TULP4: variants seen among roughly 807,000 people sequenced by gnomAD.
TULP4 encodes the protein tubby-related protein 4.
TULP4 carries 16 observed loss-of-function variants against 129.0 expected under a neutral mutation model. The ratio of observed to expected loss-of-function variants is 0.12; its 90% CI spans 0.08 to 0.19. TULP4 has a LOEUF of 0.19. TULP4 is among the 10% of genes least tolerant of loss of function. The pLI, the probability that TULP4 is intolerant of heterozygous loss-of-function variation, is 1.00. For missense variants in TULP4, 1,842 were observed against 2,059.1 expected (o/e 0.89, Z 2.04); for synonymous variants, 998 against 854.0 (o/e 1.17, Z -2.94).
chr6:158,342,573 A>G (rs1780205886), intron 1 of TULP4, among the ~76,000 whole-genome samples: 1 of 152,236 alleles, frequency 6.6e-6, no homozygotes. Flanking sequence ...TGAGACAACT[A>G]ATGTACAATA....
intron 1 of TULP4, among the ~76,000 whole-genome samples, chr6:158,327,556 C>A (rs893042869): frequency 6.6e-6 from 1 of 152,168 alleles, no homozygotes; most frequent in Non-Finnish European, 1.5e-5. Context: ...TATTTCAGAG[C>A]CATGATGGTT....
intron 4 of TULP4, among the ~76,000 whole-genome samples, chr6:158,450,211 C>T (rs1779135843): frequency 6.6e-6 from 1 of 152,170 alleles, no homozygotes; most frequent in Non-Finnish European, 1.5e-5. Flanking sequence ...CTATCCTTAG[C>T]CTAGCACAGC....
At chr6:158,422,186 AT>A (rs1562559413) in intron 2 of TULP4, among the ~76,000 whole-genome samples, 1 of 152,250 alleles carries the variant, frequency 6.6e-6, no homozygotes, top group African/African-American at 2.4e-5. Flanking sequence ...AAATCCAAAA[AT>A]TAGTTCTTTG....
chr6:158,301,107 A>G (rs1472993233), intron 1 of TULP4, among the ~76,000 whole-genome samples: 5 of 152,218 alleles, frequency 3.3e-5, no homozygotes, highest in African/African-American at 4.8e-5. Flanking sequence ...AGAATTACCA[A>G]TATGTTTGAT....
intron 1 of TULP4, among the ~76,000 whole-genome samples, chr6:158,410,132 G>A (rs1293312941): frequency 6.6e-6 from 1 of 152,190 alleles, no homozygotes; most frequent in Non-Finnish European, 1.5e-5. Flanking sequence ...GGGATTACAG[G>A]CGTGAGCCAC....
At chr6:158,297,872 G>T (rs1269215068) in intron 1 of TULP4, among the ~76,000 whole-genome samples, 1 of 152,156 alleles carries the variant, frequency 6.6e-6, no homozygotes, top group Non-Finnish European at 1.5e-5. Flanking sequence ...TACCAGGGCG[G>T]AGTTTTTTCC....
chr6:158,471,385 G>A (rs1444296320), intron 6 of TULP4, among the ~76,000 whole-genome samples: 1 of 152,224 alleles, frequency 6.6e-6, no homozygotes, highest in African/African-American at 2.4e-5. Flanking sequence ...AAAGGTGAGT[G>A]TAGTAGCAGG....
chr6:158,498,847 C>A, intron 12 of TULP4, 35 bp downstream of exon 12: 1 of 1,610,426 alleles, frequency 6.2e-7, no homozygotes, highest in South Asian at 1.1e-5. Flanking sequence ...TTGTCACGGT[C>A]CCTCTGTCAG....
chr6:158,330,022 A>C (rs1226663090), intron 1 of TULP4, among the ~76,000 whole-genome samples: 2 of 45,818 alleles, frequency 4.4e-5, no homozygotes, highest in East Asian at 1.6e-3. Context: ...TTAAATAGAC[A>C]CATTAAAAGT....
intron 1 of TULP4, among the ~76,000 whole-genome samples, chr6:158,375,505 G>A (rs879754536): frequency 3.3e-5 from 5 of 152,156 alleles, no homozygotes; most frequent in Non-Finnish European, 7.3e-5. Context: ...GGTGTGCAAG[G>A]TGCAGAAGAA....
chr6:158,503,547 C>G lies in TULP4; in HGVS notation c.3884C>G (p.Pro1295Arg), dbSNP rs999818616. Residue 1295 changes from proline to arginine, a missense_variant, in exon 13 of 14, where the codon CCA becomes CGA. This residue lies in a region of TULP4 where 1,089 missense variants were observed against 987.1 expected (regional missense o/e 1.10). Transcript: ENST00000367097. The surrounding 1 kb of genome is among the most constrained non-coding windows in gnomAD (Gnocchi z 4.3). ...GTGGAGAAGCCCCTTGTGTCCCCAC[C>G]ACCTGCCGACCTCCAAAGCCACTTG... Reference protein sequence around the residue: ...LVVEKPLVSPPPADLQSHLGT... With the variant: ...LVVEKPLVSPRPADLQSHLGT... The G allele has an allele frequency of 2.5e-6, 4 of 1,613,900 alleles. No homozygotes were observed. The highest frequency in any genetic ancestry group is 3.4e-6 in the Non-Finnish European group (4 of 1,180,036).
At chr6:158,252,621 G>A (rs1455168063) in intron 1 of TULP4, among the ~76,000 whole-genome samples, 6 of 152,084 alleles carry the variant, frequency 3.9e-5, no homozygotes, top group African/African-American at 7.2e-5. Flanking sequence ...TGATCTGCCC[G>A]CCTCGGCCTC....
intron 13 of TULP4, among the ~76,000 whole-genome samples, chr6:158,505,860 CT>C (rs112299868): frequency 2.1e-3 from 303 of 145,938 alleles, no homozygotes; most frequent in African/African-American, 5.4e-3. Flanking sequence ...TCACCCCATT[CT>C]TTTTTTTTTT....
At chr6:158,405,362 A>G (rs697506) in intron 1 of TULP4, among the ~76,000 whole-genome samples, 104,796 of 151,998 alleles carry the variant, frequency 0.69, 36,704 homozygotes, top group Middle Eastern at 0.76. Flanking sequence ...AGTTTGAGAG[A>G]GAAAGTGGGT....
chr6:158,307,763 T>A (rs1330218388), upstream of TULP4, among the ~76,000 whole-genome samples: 2 of 152,172 alleles, frequency 1.3e-5, no homozygotes, highest in Non-Finnish European at 2.9e-5. Context: ...CTTGAATGGA[T>A]CTTTTACTCA....
intron 1 of TULP4, among the ~76,000 whole-genome samples, chr6:158,255,824 C>G (rs954908846): frequency 3.9e-5 from 6 of 152,170 alleles, no homozygotes; most frequent in East Asian, 1.9e-4. Flanking sequence ...CTAACTGATG[C>G]AATAGCTGTC....
At chr6:158,472,079 A>G (rs1779695850) in intron 6 of TULP4, among the ~76,000 whole-genome samples, 1 of 152,198 alleles carries the variant, frequency 6.6e-6, no homozygotes, top group Non-Finnish European at 1.5e-5. Flanking sequence ...CCTCAGTGCC[A>G]GCTCAGTCAC....
chr6:158,452,956 T>C (rs1342072141), intron 5 of TULP4, among the ~76,000 whole-genome samples: 5 of 152,186 alleles, frequency 3.3e-5, no homozygotes, highest in East Asian at 1.9e-4. Flanking sequence ...CAGGGTTGAA[T>C]GGTACAAGGT....
intron 1 of TULP4, among the ~76,000 whole-genome samples, chr6:158,303,471 A>G (rs904147365): frequency 6.6e-6 from 1 of 152,170 alleles, no homozygotes; most frequent in Non-Finnish European, 1.5e-5. Context: ...TTCAAAGGGT[A>G]AAAAGCGTAA....
Sources: allele counts gnomAD v4.1 joint callset (sites outside exome capture counted in the v4.1 genomes callset), GRCh38; gene constraint gnomAD v4.1.1; regional missense constraint gnomAD v4.1.1; non-coding constraint Gnocchi (gnomAD v3.1); transcripts MANE v1.5; gene names NCBI Gene and HGNC (gene_info 2026-07-23, HGNC 2026-07-21).